The following CNTLN variants were observed in gnomAD, a reference collection of about 807,000 sequenced individuals.
CNTLN encodes centlein.
In CNTLN, 212 loss-of-function variants were observed where a neutral mutation model predicts 180.0. The ratio of observed to expected loss-of-function variants is 1.18; its 90% confidence interval spans 1.05 to 1.32. The LOEUF is 1.32. Among genes scored for constraint, CNTLN ranks in the 40% most tolerant of loss-of-function variants. CNTLN has a pLI of 0.00. For synonymous variants in CNTLN, 722 were observed against 563.1 expected (o/e 1.28, Z -3.99); for missense variants, 2,095 against 1,610.9 (o/e 1.30, Z -5.14).
At chr9:17,281,398 G>C (rs1010286002) in intron 6 of CNTLN, among the ~76,000 whole-genome samples, 2 of 151,874 alleles carry the variant, frequency 1.3e-5, no homozygotes, top group Non-Finnish European at 2.9e-5. Context: ...TAGGTATTAA[G>C]CCCCACATAT....
intron 25 of CNTLN, among the ~76,000 whole-genome samples, chr9:17,494,350 T>A (rs1248499743): frequency 6.6e-6 from 1 of 152,136 alleles, no homozygotes; most frequent in Non-Finnish European, 1.5e-5. Flanking sequence ...AAGATGATAA[T>A]GAAGCTGAAA....
At chr9:17,448,989 C>G (rs1291202291) in intron 18 of CNTLN, among the ~76,000 whole-genome samples, 3 of 152,160 alleles carry the variant, frequency 2.0e-5, no homozygotes, top group African/African-American at 4.8e-5. Context: ...CATCCTCTTT[C>G]TTTCCTATTG....
At chr9:17,455,186 A>G (rs1287968662) in intron 18 of CNTLN, among the ~76,000 whole-genome samples, 1 of 152,226 alleles carries the variant, frequency 6.6e-6, no homozygotes. Flanking sequence ...GCTAAGGAGA[A>G]CCAAAGGTTT....
intron 13 of CNTLN, among the ~76,000 whole-genome samples, chr9:17,381,639 T>A (rs190995056): frequency 1.1e-4 from 16 of 152,346 alleles, no homozygotes; most frequent in African/African-American, 3.8e-4. Flanking sequence ...TACCAATTTC[T>A]GTATCCCATC....
At chr9:17,236,921 G>A (rs1825181005) in intron 5 of CNTLN, among the ~76,000 whole-genome samples, 1 of 152,040 alleles carries the variant, frequency 6.6e-6, no homozygotes. Flanking sequence ...GCTATAATTT[G>A]TTGCAGTATA....
At chr9:17,410,289 ATT>A (rs1827740210) in intron 16 of CNTLN, among the ~76,000 whole-genome samples, 1 of 152,100 alleles carries the variant, frequency 6.6e-6, no homozygotes, top group South Asian at 2.1e-4. Flanking sequence ...AGTTTCTGTG[ATT>A]ACTAATACAA....
At chr9:17,225,303 C>G (rs1297322664) in intron 2 of CNTLN, among the ~76,000 whole-genome samples, 6 of 152,148 alleles carry the variant, frequency 3.9e-5, no homozygotes, top group Admixed American at 2.0e-4. Flanking sequence ...TCCCTATTAA[C>G]CCCAGAAGTC....
intron 12 of CNTLN, among the ~76,000 whole-genome samples, chr9:17,356,004 C>T (rs1209995825): frequency 6.8e-6 from 1 of 146,910 alleles, no homozygotes; most frequent in Non-Finnish European, 1.5e-5. Context: ...GTGGAGCTTG[C>T]AGTGAGCCGA....
chr9:17,339,130 A>G (rs980298643), intron 10 of CNTLN, among the ~76,000 whole-genome samples: 3 of 152,202 alleles, frequency 2.0e-5, no homozygotes, highest in Admixed American at 6.5e-5. Flanking sequence ...TCTGTACGGC[A>G]TATAGAACAC....
chr9:17,330,304 CAT>C (rs1247045290), intron 8 of CNTLN, among the ~76,000 whole-genome samples: 3 of 151,932 alleles, frequency 2.0e-5, no homozygotes, highest in Admixed American at 6.6e-5. Flanking sequence ...TGAGGCAATA[CAT>C]ATGTGTATAA....
chr9:17,514,355 A>G, the CNTLN span, among the ~76,000 whole-genome samples: 4 of 152,182 alleles, frequency 2.6e-5, no homozygotes, highest in African/African-American at 9.6e-5. Context: ...ACCGTGACAC[A>G]TAACAGAAAT....
At chr9:17,210,477 G>A (rs1823218845) in intron 2 of CNTLN, among the ~76,000 whole-genome samples, 1 of 152,110 alleles carries the variant, frequency 6.6e-6, no homozygotes, top group Non-Finnish European at 1.5e-5. Flanking sequence ...TGGACATTAG[G>A]GTTGGTTCCA....
At chr9:17,294,825 A>G (rs1474102540) in intron 6 of CNTLN, among the ~76,000 whole-genome samples, 4 of 11,616 alleles carry the variant, frequency 3.4e-4, no homozygotes, top group African/African-American at 1.9e-3. Flanking sequence ...CGAAGGGGGG[A>G]GGGCGGGGAG....
intron 2 of CNTLN, among the ~76,000 whole-genome samples, chr9:17,193,197 C>T (rs957286755): frequency 1.6e-4 from 24 of 152,044 alleles, no homozygotes; most frequent in African/African-American, 5.3e-4. Flanking sequence ...CATATCATTC[C>T]ACCCCGGCCC....
rs112238554 is a variant in CNTLN, at chr9:17,193,930, G to T, written c.450-32273G>T. On this transcript the variant is annotated intron_variant, in intron 2 of 25. Coordinates refer to ENST00000380647, the MANE Select transcript of CNTLN (RefSeq NM_017738.4). The stretch of plus-strand genomic sequence containing the variant: ...TTCCAAACCCCAATTCTTGACTTCT[G>T]TGCACTTGCAGGCTCAGCACCACAT... Among the ~76,000 whole-genome samples, 856 of 152,318 alleles carry T rather than the reference G, an allele frequency of 5.6e-3. 5 individuals carry two copies. The highest frequency in any genetic ancestry group is 0.019 in the African/African-American group (791 of 41,578).
intron 23 of CNTLN, among the ~76,000 whole-genome samples, chr9:17,477,128 A>G (rs1289829716): frequency 6.6e-6 from 1 of 152,138 alleles, no homozygotes; most frequent in Non-Finnish European, 1.5e-5. Flanking sequence ...ATGACAACAC[A>G]TGTATTTACA....
chr9:17,220,859 A>T (rs191990517), intron 2 of CNTLN, among the ~76,000 whole-genome samples: 1 of 152,050 alleles, frequency 6.6e-6, no homozygotes, highest in Non-Finnish European at 1.5e-5. Flanking sequence ...ATGGGCATTT[A>T]TGTTGATTCC....
Position 17,457,565 on chromosome 9 carries a change from A to G in CNTLN, c.3156A>G (p.Glu1052=). The change falls in exon 19 of 26, where the codon GAA becomes GAG. Residue 1052 remains glutamate (E), a synonymous_variant. Transcript: ENST00000380647. ...TGGCTGGGCTTCGGAAAGAAAAAGA[A>G]GATTTACTAAAGAAATTGGAGTCCT... ...LDLAGLRKEK[E]DLLKKLESSS... is the part of the protein sequence containing the mutation. 2.0e-6 allele frequency: 3 copies of G among 1,525,962 alleles called. No individual in the cohort carries two copies. Among genetic ancestry groups the G allele is most frequent in the Non-Finnish European group, 1.8e-6 (2 of 1,134,730 alleles). The allele number at this position is 1,525,962 out of a possible 1,614,324, so 94.5% of individuals were successfully genotyped here. A position where few individuals can be genotyped will look rare whatever the true frequency, so the allele number is the denominator to read the frequency against.
chr9:17,254,843 T>A (rs1826375080), intron 5 of CNTLN, among the ~76,000 whole-genome samples: 1 of 151,716 alleles, frequency 6.6e-6, no homozygotes, highest in Non-Finnish European at 1.5e-5. Flanking sequence ...GGGATATTGA[T>A]AAAGAGTGCA....
Sources: gnomAD v4.1 joint callset for allele counts (sites outside exome capture counted in the v4.1 genomes callset) on GRCh38, gnomAD v4.1.1 for gene constraint, MANE v1.5 for transcripts, NCBI Gene and HGNC (gene_info 2026-07-23, HGNC 2026-07-21) for gene names.